The following MPST variants were observed in gnomAD, a reference collection of about 807,000 sequenced individuals.
The protein encoded by MPST is 3-mercaptopyruvate sulfurtransferase.
Under a neutral mutation model 28.5 loss-of-function variants are expected in MPST, and 27 were observed. The ratio of observed to expected loss-of-function variants is 0.95; its 90% CI spans 0.70 to 1.31. The LOEUF (loss-of-function observed/expected upper bound fraction) is 1.31, where lower values mean the gene tolerates loss of function less well. Among genes scored for constraint, MPST ranks in the 50% most tolerant of loss-of-function variants. The probability of loss-of-function intolerance (pLI) is 0.00; values close to 1 mark genes in which losing one functional copy is unlikely to be tolerated. For synonymous variants in MPST, 204 were observed against 209.3 expected, an observed-to-expected ratio of 0.97 and a Z score of 0.22; for missense variants, 492 against 471.1, an observed-to-expected ratio of 1.04 and a Z score of -0.41.
chr22:37,020,102 T>G, intron 1 of MPST: 7 of 372,934 alleles, frequency 1.9e-5, no homozygotes, highest in South Asian at 1.5e-4. Flanking sequence ...GTGGGTGACC[T>G]GGTGGCACCA....
intron 2 of MPST, chr22:37,026,372 G>A (rs1568970037): frequency 6.6e-6 from 1 of 152,164 alleles, no homozygotes; most frequent in Non-Finnish European, 1.5e-5. Context: ...TCATGCACAA[G>A]TGTGCTGCAC....
At position 37,024,801 on chromosome 22, in the gene MPST, C is replaced by CCCCGAGA; in HGVS notation, c.648_654dup (p.Gly219ProfsTer5). The CCCCGAGA allele has an allele frequency of 6.2e-7, 1 of 1,603,714 alleles. No individual in the cohort carries two copies. Among genetic ancestry groups the CCCCGAGA allele is most frequent in the Non-Finnish European group, 8.5e-7 (1 of 1,179,506 alleles). ...CAGGTTCCGCGGCACCGAGCCCGAGCCCCGAGACGGTAACGCGGGGGAAGG... is the reference window on the plus strand; with the variant it reads ...CAGGTTCCGCGGCACCGAGCCCGAGCCCCGAGACCCGAGACGGTAACGCGGGGGAAGG... On this transcript the variant is annotated frameshift_variant, in exon 2 of 3. Coordinates refer to ENST00000429360, the MANE Select transcript of MPST (RefSeq NM_021126.8). LOFTEE classifies it high-confidence loss of function.
intron 2 of MPST, chr22:37,026,068 A>G (rs539971209): frequency 6.6e-6 from 1 of 152,260 alleles, no homozygotes; most frequent in South Asian, 2.1e-4. Flanking sequence ...ACCATTTTTG[A>G]ACCTACACAG....
chr22:37,022,557 G>A lies in MPST; in HGVS notation c.37-1635G>A, dbSNP rs542974130. Among the ~76,000 whole-genome samples, 230 of 152,302 alleles carry A rather than the reference G, an allele frequency of 1.5e-3. 1 individual carries two copies. The highest frequency in any genetic ancestry group is 5.3e-3 in the African/African-American group (222 of 41,560). On this transcript the variant is annotated intron_variant, in intron 1 of 2. Transcript: ENST00000429360. ...TAGGCCCTGGTCATCATGGCACCTG[G>A]GGCAGGGGAAGTCCAGCCTGAGGGG...
In MPST at chr22:37,023,937, G is replaced by A. The variant is rs746851595; in HGVS notation, c.37-255G>A. ...TGCCCAGCAAGTGGAGGTGAGGGGC[G>A]TGGCCTGGGGCTCTCCGGGAGGTCA... On this transcript the variant is annotated intron_variant, in intron 1 of 2. Transcript: ENST00000429360. The A allele has an allele frequency of 4.2e-4, 639 of 1,525,734 alleles. 1 individual carries two copies. The highest frequency in any genetic ancestry group is 5.3e-4 in the Non-Finnish European group (606 of 1,138,546). 94.5% of individuals were successfully genotyped at this position (1,525,734 alleles called of 1,614,324 possible). A position where few individuals can be genotyped will look rare whatever the true frequency, so the allele number is the denominator to read the frequency against.
In MPST at chr22:37,024,927, C is replaced by T. The variant is rs757834802; in HGVS notation, c.655+117C>T. Reference sequence around the variant, plus strand: ...AATTTATCTTGCTTTCATTTCCTTTCCTTTTTTCTTTCCTTTCCTTCCCTT... The same window carrying T: ...AATTTATCTTGCTTTCATTTCCTTTTCTTTTTTCTTTCCTTTCCTTCCCTT... On this transcript the variant is annotated intron_variant, in intron 2 of 2. Transcript: ENST00000429360. The T allele has an allele frequency of 1.9e-6, 3 of 1,540,226 alleles. No individual in the cohort carries two copies. In the South Asian group the frequency reaches 3.6e-5, roughly 19 times the overall value.
chr22:37,025,838 T>A (rs979952365), intron 2 of MPST: 14 of 152,408 alleles, frequency 9.2e-5, no homozygotes, highest in African/African-American at 3.4e-4. Context: ...GGCTACAGAT[T>A]GGGTTTGGAG....
In MPST at chr22:37,029,425, G is replaced by A. The variant is rs1481304966; in HGVS notation, c.865G>A (p.Val289Met). The A allele has an allele frequency of 5.6e-6, 9 of 1,613,862 alleles. No individual in the cohort carries two copies. The highest frequency in any genetic ancestry group is 2.2e-5 in the East Asian group (1 of 44,878). ...GGCCTACCTCTGCGGCAAGCCAGAC[G>A]TGCCCATCTACGATGGCTCCTGGGT... ...LGAYLCGKPDVPIYDGSWVEW... is the reference protein window; with the variant it reads ...LGAYLCGKPDMPIYDGSWVEW... Residue 289 changes from valine to methionine, a missense_variant, in exon 3 of 3, where the codon GTG becomes ATG. Transcript: ENST00000429360.
At chr22:37,022,630 A>G (rs1313012395) in intron 1 of MPST, among the ~76,000 whole-genome samples, 1 of 152,212 alleles carries the variant, frequency 6.6e-6, no homozygotes, top group African/African-American at 2.4e-5. Context: ...GACCACGGGC[A>G]AGGCACTTAT....
At chr22:37,022,206 C>G (rs1923128358) in intron 1 of MPST, among the ~76,000 whole-genome samples, 1 of 152,082 alleles carries the variant, frequency 6.6e-6, no homozygotes, top group Admixed American at 6.5e-5. Flanking sequence ...GGCAGCCTCC[C>G]TACCCTAAAG....
intron 1 of MPST, chr22:37,023,834 G>T: frequency 7.6e-7 from 1 of 1,317,228 alleles, no homozygotes; most frequent in Non-Finnish European, 9.8e-7. Flanking sequence ...TGCATCTTAG[G>T]GAGGGGTGGA....
At position 37,024,770 on chromosome 22, in the gene MPST, C is replaced by T; in HGVS notation, c.615C>T (p.Ala205=). 6.2e-7 allele frequency: 1 copy of T among 1,602,768 alleles called. No individual in the cohort carries two copies. Among genetic ancestry groups the T allele is most frequent in the Non-Finnish European group, 8.5e-7 (1 of 1,179,694 alleles). ...SRRFQVVDSR[A]TGRFRGTEPE... is the part of the protein sequence containing the mutation. ...GCTTCCAGGTGGTGGACTCCCGAGC[C>T]ACTGGCAGGTTCCGCGGCACCGAGC... Residue 205 remains alanine (A), a synonymous_variant, in exon 2 of 3, where the codon GCC becomes GCT. Transcript: ENST00000429360.
At chr22:37,028,077 C>G (rs1923645106) in intron 2 of MPST, 1 of 152,194 alleles carries the variant, frequency 6.6e-6, no homozygotes, top group Non-Finnish European at 1.5e-5. Flanking sequence ...CGTCTCCAAA[C>G]AGTGCCTGGC....
chr22:37,026,917 T>G (rs1923567304), intron 2 of MPST: 1 of 152,412 alleles, frequency 6.6e-6, no homozygotes, highest in African/African-American at 2.4e-5. Context: ...ATCATTCGTT[T>G]TTGGGGGGTT....
intron 1 of MPST, among the ~76,000 whole-genome samples, chr22:37,021,734 G>A (rs1923091865): frequency 6.6e-6 from 1 of 152,134 alleles, no homozygotes; most frequent in Admixed American, 6.5e-5. Flanking sequence ...GCCTCCCGAA[G>A]TGCTGGGATT....
chr22:37,029,602 G>A lies in MPST; in HGVS notation c.*88G>A. 1 of 1,345,742 alleles carries A rather than the reference G, an allele frequency of 7.4e-7. No homozygotes were observed. The highest frequency in any genetic ancestry group is 1.0e-6 in the Non-Finnish European group (1 of 995,502). 83.4% of individuals were successfully genotyped at this position (1,345,742 alleles called of 1,614,324 possible). A position where few individuals can be genotyped will look rare whatever the true frequency, so the allele number is the denominator to read the frequency against. ...CTCCGCTTCTGCTTTCACCAAGAGA[G>A]TGTTTCTTCACTCAACTCAGGTGGC... On this transcript the variant is annotated 3_prime_UTR_variant, in exon 3 of 3. Coordinates refer to ENST00000429360, the MANE Select transcript of MPST (RefSeq NM_021126.8).
chr22:37,024,842 G>T (rs1357851853), intron 2 of MPST, 32 bp downstream of exon 2: 10 of 1,595,268 alleles, frequency 6.3e-6, no homozygotes, highest in African/African-American at 2.7e-5. Context: ...GGAGGTCGTC[G>T]GGGGCGCGGC....
chr22:37,023,829 C>T (rs914874435), intron 1 of MPST: 4 of 1,302,616 alleles, frequency 3.1e-6, no homozygotes, highest in Non-Finnish European at 4.0e-6. Flanking sequence ...CGAGCTGCAT[C>T]TTAGGGAGGG....
At position 37,023,907 on chromosome 22, in the gene MPST, C is replaced by G. The variant is rs748928016; in HGVS notation, c.37-285C>G. 5 of 1,510,820 alleles carry G rather than the reference C, an allele frequency of 3.3e-6. No homozygotes were observed. In the African/African-American group the frequency reaches 5.6e-5, roughly 17 times the overall value. The allele number at this position is 1,510,820 out of a possible 1,614,324, so 93.6% of individuals were successfully genotyped here. A position where few individuals can be genotyped will look rare whatever the true frequency, so the allele number is the denominator to read the frequency against. ...CTTGCCCTAGGATACCTCCACCCAC[C>G]CTCCTGCCCAGCAAGTGGAGGTGAG... On this transcript the variant is annotated intron_variant, in intron 1 of 2. Transcript: ENST00000429360.
Sources: gnomAD v4.1 joint callset for allele counts (sites outside exome capture counted in the v4.1 genomes callset) on GRCh38, gnomAD v4.1.1 for gene constraint, MANE v1.5 for transcripts, NCBI Gene and HGNC (gene_info 2026-07-23, HGNC 2026-07-21) for gene names.